RPH3AL: variants seen among roughly 807,000 people sequenced by gnomAD.
RPH3AL encodes the protein rabphilin 3A like (without C2 domains).
A neutral mutation model predicts 43.1 loss-of-function variants in RPH3AL; 38 were observed. That is an observed-to-expected ratio of 0.88 (90% CI 0.68 to 1.15). RPH3AL has a LOEUF of 1.15. Ranked by LOEUF, RPH3AL falls within the 50% of genes most tolerant of loss-of-function variation. The probability of loss-of-function intolerance (pLI) is 0.00; values close to 1 mark genes in which losing one functional copy is unlikely to be tolerated. For synonymous variants in RPH3AL, 189 were observed against 176.3 expected, an observed-to-expected ratio of 1.07 and a Z score of -0.57; for missense variants, 462 against 423.2, an observed-to-expected ratio of 1.09 and a Z score of -0.81.
chr17:235,779 T>C (rs373278574), intron 7 of RPH3AL, among the ~76,000 whole-genome samples: 3 of 141,052 alleles, frequency 2.1e-5, no homozygotes, highest in East Asian at 4.3e-4. Flanking sequence ...CGGCGGAGGC[T>C]CCGCACTAAC....
intron 1 of RPH3AL, among the ~76,000 whole-genome samples, chr17:336,355 C>T (rs996237376): frequency 2.6e-5 from 4 of 152,294 alleles, no homozygotes; most frequent in Admixed American, 6.5e-5. Context: ...ACCACTCACT[C>T]GGAAGCGTTG....
rs114753028 is a variant in RPH3AL, at chr17:279,390, G to T, written c.438+2378C>A. ...ATATCCTTGATCTTTTAGAGGCTAA[G>T]TTTTATCAGCCTCTAAAAATTCAAG... On this transcript the variant is annotated intron_variant, in intron 6 of 9. Transcript: ENST00000331302. Among the ~76,000 whole-genome samples the T allele has an allele frequency of 3.7e-3, 564 of 152,260 alleles. 3 individuals carry two copies. Among genetic ancestry groups the T allele is most frequent in the African/African-American group, 0.013 (533 of 41,532 alleles).
chr17:236,445 G>A (rs76052861), intron 7 of RPH3AL, among the ~76,000 whole-genome samples: 2,951 of 152,106 alleles, frequency 0.019, 100 homozygotes, highest in African/African-American at 0.068. Context: ...TTTGACTATC[G>A]GACACTGGCC....
intron 1 of RPH3AL, among the ~76,000 whole-genome samples, chr17:344,978 T>C (rs1175801415): frequency 2.2e-5 from 3 of 135,432 alleles, no homozygotes; most frequent in Non-Finnish European, 3.4e-5. Flanking sequence ...AGGAGGCCCG[T>C]TGGTGAGGCC....
chr17:215,563 C>T lies in RPH3AL; in HGVS notation c.876+91G>A, dbSNP rs1022219168. ...AAACAACATGCAGAATTGAAAACGTCACCGACCAGTCTCCAGTTTGGGAGG... is the reference window on the plus strand; with the variant it reads ...AAACAACATGCAGAATTGAAAACGTTACCGACCAGTCTCCAGTTTGGGAGG... On this transcript the variant is annotated intron_variant, in intron 9 of 9. Coordinates refer to ENST00000331302, the MANE Select transcript of RPH3AL (RefSeq NM_006987.4). This position sits in a 1 kb window ranked among gnomAD's most constrained non-coding sequence, Gnocchi z 4.1. The T allele has an allele frequency of 3.5e-6, 4 of 1,151,824 alleles. No homozygotes were observed. In the East Asian group the frequency reaches 1.3e-4, roughly 37 times the overall value. 71.4% of individuals were successfully genotyped at this position (1,151,824 alleles called of 1,614,324 possible). A position where few individuals can be genotyped will look rare whatever the true frequency, so the allele number is the denominator to read the frequency against.
At chr17:243,564 C>CTCCTCTACTGATTACCCT (rs2041644800) in intron 7 of RPH3AL, among the ~76,000 whole-genome samples, 1 of 123,160 alleles carries the variant, frequency 8.1e-6, no homozygotes, top group Non-Finnish European at 1.7e-5. Context: ...CTGATTGCCC[C>CTCCTCTACTGATTACCCT]TCCTCTACTG....
Position 273,582 on chromosome 17 carries a change from GTGAGACCCCGGCGAGGGCGACGTCAGGA to G in RPH3AL, c.438+8158_438+8185del, listed in dbSNP as rs2042580204. On this transcript the variant is annotated intron_variant, in intron 6 of 9. Transcript: ENST00000331302. ...AGACCCCAGCGAGGGTGACGTCAGG[GTGAGACCCCGGCGAGGGCGACGTCAGGA>G]AGAGACCCCAGCGAGGGCGACGTCG... Among the ~76,000 whole-genome samples, 4 of 138,428 alleles carry G rather than the reference GTGAGACCCCGGCGAGGGCGACGTCAGGA, an allele frequency of 2.9e-5. 2 individuals are homozygous for G. Among genetic ancestry groups the G allele is most frequent in the African/African-American group, 5.4e-5 (2 of 37,194 alleles). 90.8% of individuals were successfully genotyped at this position (138,428 alleles called of 152,430 possible).
chr17:314,451 G>C (rs1555518160), intron 5 of RPH3AL, among the ~76,000 whole-genome samples: 1 of 126,488 alleles, frequency 7.9e-6, no homozygotes, highest in African/African-American at 3.1e-5. Flanking sequence ...CACCTCCATT[G>C]ACCTGTAGTC....
chr17:232,322 C>T (rs912022735), intron 7 of RPH3AL, among the ~76,000 whole-genome samples: 2 of 152,184 alleles, frequency 1.3e-5, no homozygotes, highest in East Asian at 1.9e-4. Context: ...CACGAAATAA[C>T]GGAGACGCAC....
At chr17:317,736 C>T (rs2044330280) in intron 5 of RPH3AL, among the ~76,000 whole-genome samples, 1 of 152,230 alleles carries the variant, frequency 6.6e-6, no homozygotes, top group Non-Finnish European at 1.5e-5. Context: ...CCTGGCTTTC[C>T]TGCTTACTAA....
intron 6 of RPH3AL, among the ~76,000 whole-genome samples, chr17:275,315 C>T (rs1158195738): frequency 6.6e-6 from 1 of 150,976 alleles, no homozygotes; most frequent in African/African-American, 2.4e-5. Context: ...GTATTTTTTA[C>T]AATGGGATAT....
In RPH3AL at chr17:274,608, G is replaced by A. The variant is rs1010674381; in HGVS notation, c.438+7160C>T. ...GGAGACAGCATAAGCCAGGGGCTGC[G>A]GTCCCTCGTCCTCCCTGGTTCCGAC... On this transcript the variant is annotated intron_variant, in intron 6 of 9. Transcript: ENST00000331302. This position sits in a 1 kb window ranked among gnomAD's most constrained non-coding sequence, Gnocchi z 4.7. 3.9e-5 allele frequency among the ~76,000 whole-genome samples: 6 copies of A among 152,182 alleles called. No individual in the cohort carries two copies. Among genetic ancestry groups the A allele is most frequent in the South Asian group, 2.1e-4 (1 of 4,822 alleles).
chr17:281,858 CAA>C lies in RPH3AL; in HGVS notation c.352-6_352-5del, dbSNP rs1567611441. The C allele has an allele frequency of 6.2e-7, 1 of 1,612,832 alleles. No individual in the cohort carries two copies. The highest frequency in any genetic ancestry group is 2.2e-5 in the East Asian group (1 of 44,888). On this transcript the variant is annotated splice_region_variant and splice_polypyrimidine_tract_variant and intron_variant, in intron 5 of 9. Coordinates refer to ENST00000331302, the MANE Select transcript of RPH3AL (RefSeq NM_006987.4). ...TCCCACATTTGGTGCAGACTTTCTACAAGAGAGAGGACATGGGGTTGTAAAGA... is the reference window on the plus strand; with the variant it reads ...TCCCACATTTGGTGCAGACTTTCTACGAGAGAGGACATGGGGTTGTAAAGA...
At chr17:272,590 C>T (rs1457160456) in intron 6 of RPH3AL, among the ~76,000 whole-genome samples, 1 of 114,086 alleles carries the variant, frequency 8.8e-6, no homozygotes. Flanking sequence ...GAACATCACA[C>T]TCCAGGGACT....
intron 7 of RPH3AL, among the ~76,000 whole-genome samples, chr17:222,698 T>C (rs1350276334): frequency 6.6e-6 from 1 of 152,208 alleles, no homozygotes; most frequent in Non-Finnish European, 1.5e-5. Flanking sequence ...CCACACAGTC[T>C]CTCAGGTATA....
intron 6 of RPH3AL, among the ~76,000 whole-genome samples, chr17:278,271 G>A (rs185279136): frequency 7.2e-5 from 11 of 152,274 alleles, no homozygotes; most frequent in Non-Finnish European, 1.2e-4. Flanking sequence ...CTGCCGCCAT[G>A]TAAGACGTGC....
Position 264,004 on chromosome 17 carries a change from C to G in RPH3AL, c.439-16719G>C, listed in dbSNP as rs1555547161. Reference sequence around the variant, plus strand: ...GGGCCTGAGGGTATCGTGCTGTTAGCGGACGCGATGCTGCTTTCCAAGATG... The same window carrying G: ...GGGCCTGAGGGTATCGTGCTGTTAGGGGACGCGATGCTGCTTTCCAAGATG... On this transcript the variant is annotated intron_variant, in intron 6 of 9. Transcript: ENST00000331302. This position sits in a 1 kb window ranked among gnomAD's most constrained non-coding sequence, Gnocchi z 4.8. 6.6e-6 allele frequency among the ~76,000 whole-genome samples: 1 copy of G among 152,096 alleles called. No individual in the cohort carries two copies.
At chr17:239,027 C>A (rs1040917006) in intron 7 of RPH3AL, among the ~76,000 whole-genome samples, 10 of 152,148 alleles carry the variant, frequency 6.6e-5, no homozygotes, top group Admixed American at 1.3e-4. Context: ...CAGAGGCAGA[C>A]CCTGTGACCA....
intron 5 of RPH3AL, among the ~76,000 whole-genome samples, chr17:300,864 C>T (rs1307488646): frequency 1.3e-5 from 2 of 150,470 alleles, no homozygotes; most frequent in African/African-American, 4.9e-5. Context: ...GAATCTCTCA[C>T]CCGCTCTAGC....
Sources: gnomAD v4.1 joint callset for allele counts (sites outside exome capture counted in the v4.1 genomes callset) on GRCh38, gnomAD v4.1.1 for gene constraint, Gnocchi (gnomAD v3.1) non-coding constraint, MANE v1.5 for transcripts, NCBI Gene and HGNC (gene_info 2026-07-23, HGNC 2026-07-21) for gene names.